Variants in BICD2 observed in about 807,000 individuals in gnomAD.
The protein encoded by BICD2 is protein bicaudal D homolog 2.
A neutral mutation model predicts 72.9 loss-of-function variants in BICD2; 25 were observed. The ratio of observed to expected loss-of-function variants is 0.34; its 90% CI spans 0.25 to 0.48. The LOEUF is 0.48. BICD2 is among the 20% of genes least tolerant of loss of function. The pLI is 0.99. For synonymous variants in BICD2, 501 were observed against 516.1 expected, an observed-to-expected ratio of 0.97 and a Z score of 0.40; for missense variants, 894 against 1,175.2, an observed-to-expected ratio of 0.76 and a Z score of 3.50.
At chr9:92,758,546 C>T (rs1247260552) in intron 1 of BICD2, among the ~76,000 whole-genome samples, 8 of 69,290 alleles carry the variant, frequency 1.2e-4, no homozygotes, top group African/African-American at 3.6e-4. Context: ...AACAAGACTC[C>T]GTCTCAAAAA....
intron 1 of BICD2, among the ~76,000 whole-genome samples, chr9:92,752,065 A>G (rs1854161825): frequency 6.6e-6 from 1 of 152,270 alleles, no homozygotes; most frequent in South Asian, 2.1e-4. Flanking sequence ...TCGGCCTCCC[A>G]AAGTGCTGGG....
Position 92,764,801 on chromosome 9 carries a change from A to AGCCACC in BICD2, c.-58_-57insGGTGGC. ...GGCTCTCGCAGGCCGGGCCCTCCTC[A>AGCCACC]GCCGCCGCCGCTGCCGCCGCCGCCG... On this transcript the variant is annotated 5_prime_UTR_variant, in exon 1 of 7. Coordinates refer to ENST00000356884, the MANE Select transcript of BICD2 (RefSeq NM_001003800.2). This position sits in a 1 kb window ranked among gnomAD's most constrained non-coding sequence, Gnocchi z 5.5. 8.1e-7 allele frequency: 1 copy of AGCCACC among 1,235,360 alleles called. No individual in the cohort carries two copies. The highest frequency in any genetic ancestry group is 1.0e-6 in the Non-Finnish European group (1 of 989,458). 76.5% of individuals were successfully genotyped at this position (1,235,360 alleles called of 1,614,324 possible). A position where few individuals can be genotyped will look rare whatever the true frequency, so the allele number is the denominator to read the frequency against.
intron 3 of BICD2, among the ~76,000 whole-genome samples, chr9:92,722,014 T>A (rs1338255587): frequency 6.6e-6 from 1 of 152,232 alleles, no homozygotes; most frequent in African/African-American, 2.4e-5. Flanking sequence ...CATGGCATTC[T>A]GGGGAAAGTT....
At chr9:92,741,867 CA>C (rs1262217564) in intron 1 of BICD2, among the ~76,000 whole-genome samples, 12 of 152,168 alleles carry the variant, frequency 7.9e-5, no homozygotes, top group Non-Finnish European at 1.6e-4. Flanking sequence ...GAAACATCCT[CA>C]AAAAGGTCAG....
rs139975391 is a variant in BICD2, at chr9:92,724,808, C to T, written c.454-2000G>A. On this transcript the variant is annotated intron_variant, in intron 2 of 6. Transcript: ENST00000356884. ...AGCCAAGTCACACCCAGGCTCTCCA[C>T]ACCCCAGCTGGAGACTTGGGTACCT... Among the ~76,000 whole-genome samples the T allele has an allele frequency of 4.9e-3, 745 of 152,326 alleles. 4 individuals carry two copies. The highest frequency in any genetic ancestry group is 0.017 in the African/African-American group (693 of 41,568).
chr9:92,757,122 C>T (rs57720404), intron 1 of BICD2, among the ~76,000 whole-genome samples: 41,572 of 151,568 alleles, frequency 0.27, 6,821 homozygotes, highest in East Asian at 0.76. Context: ...AAGACCAGCC[C>T]GGGCAACATG....
At chr9:92,754,532 C>T (rs905647063) in intron 1 of BICD2, among the ~76,000 whole-genome samples, 1 of 152,212 alleles carries the variant, frequency 6.6e-6, no homozygotes, top group Non-Finnish European at 1.5e-5. Flanking sequence ...CTGATCCAAT[C>T]AGTGAACAGG....
intron 2 of BICD2, among the ~76,000 whole-genome samples, chr9:92,723,557 G>C (rs1049616810): frequency 6.6e-6 from 1 of 152,238 alleles, no homozygotes; most frequent in Non-Finnish European, 1.5e-5. Flanking sequence ...CCAGGAGCTG[G>C]GGAGGGGGAT....
At chr9:92,730,459 G>C (rs999286906) in intron 1 of BICD2, among the ~76,000 whole-genome samples, 1 of 152,208 alleles carries the variant, frequency 6.6e-6, no homozygotes, top group Non-Finnish European at 1.5e-5. Flanking sequence ...AAAACAAAGA[G>C]TAACTCATTT....
At chr9:92,729,317 C>A in intron 1 of BICD2, 81 bp from the exon 2 acceptor site, 1 of 1,440,072 alleles carries the variant, frequency 6.9e-7, no homozygotes, top group Non-Finnish European at 9.6e-7. Flanking sequence ...AGGCGACATT[C>A]ATGCTGCAGA....
intron 1 of BICD2, among the ~76,000 whole-genome samples, chr9:92,741,008 C>G (rs1479506804): frequency 6.6e-6 from 1 of 152,224 alleles, no homozygotes; most frequent in African/African-American, 2.4e-5. Context: ...TGTCCACAAC[C>G]ATATCCACTC....
At chr9:92,740,661 T>C (rs976320) in intron 1 of BICD2, among the ~76,000 whole-genome samples, 43,164 of 151,730 alleles carry the variant, frequency 0.28, 7,120 homozygotes, top group East Asian at 0.76. Context: ...GGAAGTGATA[T>C]AACAAAAACC....
At chr9:92,756,348 G>A (rs1274618769) in intron 1 of BICD2, among the ~76,000 whole-genome samples, 7 of 151,304 alleles carry the variant, frequency 4.6e-5, no homozygotes, top group Non-Finnish European at 7.4e-5. Flanking sequence ...TGCAAGCTCC[G>A]CCTCCCGGGT....
At chr9:92,760,453 A>G (rs1177702743) in intron 1 of BICD2, among the ~76,000 whole-genome samples, 2 of 152,126 alleles carry the variant, frequency 1.3e-5, no homozygotes, top group Non-Finnish European at 2.9e-5. Context: ...GAGATACACA[A>G]GTGCCCAGTC....
At chr9:92,717,122 A>T (rs1435404684) in intron 6 of BICD2, among the ~76,000 whole-genome samples, 1 of 152,196 alleles carries the variant, frequency 6.6e-6, no homozygotes, top group East Asian at 1.9e-4. Context: ...CCATATGGCC[A>T]AGTTCTTGGG....
At chr9:92,763,168 C>T (rs564753144) in intron 1 of BICD2, among the ~76,000 whole-genome samples, 1 of 152,302 alleles carries the variant, frequency 6.6e-6, no homozygotes, top group Non-Finnish European at 1.5e-5. Context: ...CTGGTACTAA[C>T]TGAGCACCTG....
At chr9:92,727,990 G>T (rs1172229784) in intron 2 of BICD2, among the ~76,000 whole-genome samples, 1 of 152,188 alleles carries the variant, frequency 6.6e-6, no homozygotes. Flanking sequence ...GGCCCTGGCA[G>T]GGCTCAATTA....
chr9:92,736,044 T>C (rs1240555499), intron 1 of BICD2, among the ~76,000 whole-genome samples: 5 of 152,194 alleles, frequency 3.3e-5, no homozygotes, highest in African/African-American at 1.2e-4. Flanking sequence ...CCATCTTGAA[T>C]AGGGACTGGG....
intron 1 of BICD2, among the ~76,000 whole-genome samples, chr9:92,755,694 C>T (rs1000899398): frequency 5.9e-5 from 9 of 152,234 alleles, no homozygotes; most frequent in Non-Finnish European, 1.2e-4. Flanking sequence ...ATCCCCTAGG[C>T]TTATGGACAT....
Sources: gnomAD v4.1 joint callset for allele counts (sites outside exome capture counted in the v4.1 genomes callset) on GRCh38, gnomAD v4.1.1 for gene constraint, Gnocchi (gnomAD v3.1) non-coding constraint, MANE v1.5 for transcripts, NCBI Gene and HGNC (gene_info 2026-07-23, HGNC 2026-07-21) for gene names.